The following TPP2 variants were observed in gnomAD, a reference collection of about 807,000 sequenced individuals.
TPP2 encodes the protein tripeptidyl-peptidase 2.
In TPP2, 34 loss-of-function variants were observed where a neutral mutation model predicts 155.9. That is an observed-to-expected ratio of 0.22 (90% CI 0.17 to 0.29). The LOEUF (loss-of-function observed/expected upper bound fraction) is 0.29, where lower values mean the gene tolerates loss of function less well. TPP2 is among the 10% of genes least tolerant of loss of function. The pLI is 1.00. For missense variants in TPP2, 1,028 were observed against 1,522.3 expected (o/e 0.68, Z 5.40); for synonymous variants, 510 against 529.4 (o/e 0.96, Z 0.50).
chr13:102,601,548 C>T (rs1879429311), intron 1 of TPP2, among the ~76,000 whole-genome samples: 1 of 152,186 alleles, frequency 6.6e-6, no homozygotes, highest in South Asian at 2.1e-4. Flanking sequence ...GCCAACATAG[C>T]CCAGTAAGCA....
At chr13:102,614,860 T>G (rs1009204833) in intron 3 of TPP2, among the ~76,000 whole-genome samples, 1 of 152,074 alleles carries the variant, frequency 6.6e-6, no homozygotes, top group Non-Finnish European at 1.5e-5. Context: ...ATTTGAAATA[T>G]GTTTAGTGTG....
At chr13:102,653,889 CA>C (rs1883673158) in intron 24 of TPP2, among the ~76,000 whole-genome samples, 3 of 152,116 alleles carry the variant, frequency 2.0e-5, no homozygotes, top group Admixed American at 2.0e-4. Context: ...ATTGGTTTGG[CA>C]GGTGAGTTTG....
chr13:102,600,727 G>C (rs1879368856), intron 1 of TPP2, among the ~76,000 whole-genome samples: 1 of 152,134 alleles, frequency 6.6e-6, no homozygotes. Context: ...GAAAAAAAAG[G>C]TTTGAGGAGG....
intron 4 of TPP2, among the ~76,000 whole-genome samples, chr13:102,618,013 A>G (rs768729504): frequency 1.3e-5 from 2 of 152,188 alleles, no homozygotes; most frequent in Non-Finnish European, 2.9e-5. Context: ...TCTATCTCCC[A>G]GCTTATTTCT....
chr13:102,673,377 C>A (rs947532879), intron 27 of TPP2, among the ~76,000 whole-genome samples: 1 of 152,176 alleles, frequency 6.6e-6, no homozygotes, highest in Non-Finnish European at 1.5e-5. Context: ...CCTCAATCAT[C>A]ATCATTTTCT....
At position 102,644,781 on chromosome 13, in the gene TPP2, T is replaced by G. The variant is rs1229543927; in HGVS notation, c.2292+108T>G. On this transcript the variant is annotated intron_variant, in intron 18 of 29. Transcript: ENST00000376052. ...TTAATGAGGGGAAATTACCTGTGGT[T>G]CTGAAGATAGCAGTAGGCTTTGTGT... 5 of 1,409,098 alleles carry G rather than the reference T, an allele frequency of 3.5e-6. No individual in the cohort carries two copies. In the African/African-American group the frequency reaches 4.3e-5, roughly 12 times the overall value. 87.3% of individuals were successfully genotyped at this position (1,409,098 alleles called of 1,614,324 possible).
rs1885477388 is a variant in TPP2 at position 102,679,108 on chromosome 13, CCATATGCA to C, written c.*794_*801del. ...TTTGCAAAACCAAGATCACAGTACA[CCATATGCA>C]CTCTGGTACCTTAATTTTTTTTTAT... On this transcript the variant is annotated 3_prime_UTR_variant, in exon 30 of 30. Transcript: ENST00000376052. 1 of 152,328 alleles carries C rather than the reference CCATATGCA, an allele frequency of 6.6e-6. No individual in the cohort carries two copies. The highest frequency in any genetic ancestry group is 1.5e-5 in the Non-Finnish European group (1 of 67,968). 9.4% of individuals were successfully genotyped at this position (152,328 alleles called of 1,614,324 possible).
chr13:102,651,507 T>G, intron 24 of TPP2, 110 bp downstream of exon 24: 2 of 1,128,012 alleles, frequency 1.8e-6, no homozygotes, highest in Admixed American at 4.6e-5. Context: ...CTTAGTTTCC[T>G]TTCTTTGCAT....
chr13:102,665,463 A>G (rs1283420671), intron 27 of TPP2, among the ~76,000 whole-genome samples: 1 of 152,184 alleles, frequency 6.6e-6, no homozygotes, highest in Non-Finnish European at 1.5e-5. Flanking sequence ...TGCCTTTATA[A>G]AACCTAATGC....
chr13:102,619,223 G>A (rs992873616), intron 5 of TPP2, among the ~76,000 whole-genome samples: 2 of 152,282 alleles, frequency 1.3e-5, no homozygotes, highest in African/African-American at 4.8e-5. Context: ...CGCTGTTGCT[G>A]CTGCTGTTTC....
intron 2 of TPP2, among the ~76,000 whole-genome samples, chr13:102,610,788 C>T (rs923348358): frequency 7.2e-5 from 11 of 151,986 alleles, no homozygotes; most frequent in African/African-American, 2.4e-4. Context: ...CCTTTTATTG[C>T]AAAATATACA....
At chr13:102,654,596 T>C (rs1883727172) in intron 24 of TPP2, among the ~76,000 whole-genome samples, 1 of 152,110 alleles carries the variant, frequency 6.6e-6, no homozygotes, top group Non-Finnish European at 1.5e-5. Context: ...TCACAACACA[T>C]AGGCTGCCTG....
At chr13:102,609,950 G>A (rs946418351) in intron 2 of TPP2, among the ~76,000 whole-genome samples, 3 of 152,134 alleles carry the variant, frequency 2.0e-5, no homozygotes, top group African/African-American at 7.2e-5. Context: ...ATGGGGCAAT[G>A]GGAGTGCTCT....
At chr13:102,648,110 A>T (rs1883248086) in intron 21 of TPP2, among the ~76,000 whole-genome samples, 1 of 152,224 alleles carries the variant, frequency 6.6e-6, no homozygotes, top group South Asian at 2.1e-4. Context: ...CACAGGATAC[A>T]GCATCTCTTC....
Position 102,664,810 on chromosome 13 carries a change from C to T in TPP2, c.3256C>T (p.Leu1086Phe). The T allele has an allele frequency of 6.2e-7, 1 of 1,613,130 alleles. No individual in the cohort carries two copies. The highest frequency in any genetic ancestry group is 1.7e-4 in the Middle Eastern group (1 of 6,052). ...TCCTCTCCAGGAACGAATGAAAAGA[C>T]TTAATGAAATTGTTGATGCGGCAAA... The part of the protein sequence containing the change: ...LDAEKERMKR[L>F]NEIVDAANAV... Residue 1086 changes from leucine to phenylalanine, a missense_variant, in exon 27 of 30, where the codon CTT (leucine) becomes TTT (phenylalanine). Around this residue, in one of 7 missense-constraint regions of TPP2, gnomAD observed 179 missense variants for 274.7 expected, o/e 0.65. Coordinates refer to ENST00000376052, the MANE Select transcript of TPP2 (RefSeq NM_001330588.2).
chr13:102,630,319 T>G, intron 10 of TPP2, 124 bp downstream of exon 10: 1 of 632,806 alleles, frequency 1.6e-6, no homozygotes, highest in Non-Finnish European at 2.6e-6. Context: ...TTTTTCAGTA[T>G]TTTCATTTTG....
intron 1 of TPP2, among the ~76,000 whole-genome samples, chr13:102,599,473 G>A (rs1299003184): frequency 6.6e-6 from 1 of 152,094 alleles, no homozygotes; most frequent in Non-Finnish European, 1.5e-5. Context: ...GAAAGAAAAA[G>A]GAAGGAAAGA....
At chr13:102,602,269 T>C (rs556649777) in intron 1 of TPP2, among the ~76,000 whole-genome samples, 66 of 152,318 alleles carry the variant, frequency 4.3e-4, no homozygotes, top group African/African-American at 1.6e-3. Flanking sequence ...TTTTCTTACA[T>C]TTTTCTCTTT....
intron 27 of TPP2, among the ~76,000 whole-genome samples, chr13:102,669,505 T>C (rs1028486654): frequency 6.6e-6 from 1 of 152,210 alleles, no homozygotes; most frequent in Non-Finnish European, 1.5e-5. Flanking sequence ...GTATGCTAAT[T>C]AGGTGAGAAT....
Sources: allele counts gnomAD v4.1 joint callset (sites outside exome capture counted in the v4.1 genomes callset), GRCh38; gene constraint gnomAD v4.1.1; regional missense constraint gnomAD v4.1.1; transcripts MANE v1.5; gene names NCBI Gene and HGNC (gene_info 2026-07-23, HGNC 2026-07-21).